UNC79: variants seen among roughly 807,000 people sequenced by gnomAD.
UNC79 encodes the protein unc-79 subunit of NALCN channel complex, also known as protein unc-79 homolog.
UNC79 carries 37 observed loss-of-function variants against 283.1 expected under a neutral mutation model. The ratio of observed to expected loss-of-function variants is 0.13; its 90% CI spans 0.10 to 0.17. UNC79 has a LOEUF of 0.17. Ranked by LOEUF, UNC79 falls within the 10% of genes least tolerant of loss-of-function variation. The pLI is 1.00. For synonymous variants in UNC79, 1,107 were observed against 1,200.2 expected (o/e 0.92, Z 1.61); for missense variants, 2,272 against 3,211.1 (o/e 0.71, Z 7.07).
rs541916723 is a variant in UNC79, at chr14:93,382,217, A to G, written c.-351+48694A>G. ...AACCCACATATCTCAGGAGGCTGCAAATTGCCTGAGATATTTCCACCCACC... is the reference window on the plus strand; with the variant it reads ...AACCCACATATCTCAGGAGGCTGCAGATTGCCTGAGATATTTCCACCCACC... On this transcript the variant is annotated intron_variant, in intron 1 of 49. Coordinates refer to the UNC79 transcript ENST00000256339. Among the ~76,000 whole-genome samples, 7 of 152,254 alleles carry G rather than the reference A, an allele frequency of 4.6e-5. No individual in the cohort carries two copies. The East Asian group carries it at 1.3e-3, about 29-fold the overall frequency.
Position 93,594,247 on chromosome 14 carries a change from G to A in UNC79, c.3190+410G>A, listed in dbSNP as rs534454600. On this transcript the variant is annotated intron_variant, in intron 23 of 48. Transcript: ENST00000555664. The stretch of plus-strand genomic sequence containing the variant: ...CCGAATCAGAATCTCAGTGGGAGGT[G>A]GGGGTGATGCCAGAAATTGAGGTTT... Among the ~76,000 whole-genome samples the A allele has an allele frequency of 3.3e-5, 5 of 152,112 alleles. No individual in the cohort carries two copies. In the South Asian group the frequency reaches 8.3e-4, roughly 25 times the overall value.
At chr14:93,361,121 G>C (rs1384521280) in intron 1 of UNC79, among the ~76,000 whole-genome samples, 2 of 145,376 alleles carry the variant, frequency 1.4e-5, no homozygotes, top group East Asian at 2.1e-4. Context: ...GTCTGAGTTA[G>C]GAGAATCACG....
At chr14:93,556,466 C>A in intron 14 of UNC79, among the ~76,000 whole-genome samples, 1 of 152,136 alleles carries the variant, frequency 6.6e-6, no homozygotes, top group Middle Eastern at 3.2e-3. Flanking sequence ...CAAAACAGAA[C>A]AGAGCCTCAG....
At position 93,376,867 on chromosome 14, in the gene UNC79, AAAAATATAT is replaced by A. The variant is rs542165298; in HGVS notation, c.-351+43364_-351+43372del. On this transcript the variant is annotated intron_variant, in intron 1 of 49. Coordinates refer to the UNC79 transcript ENST00000256339. ...CTTTTTGCTTAATTTAATTATATAT[AAAAATATAT>A]AAAATATATAAAATATATATTATAT... Among the ~76,000 whole-genome samples, 1,023 of 148,038 alleles carry A rather than the reference AAAAATATAT, an allele frequency of 6.9e-3. 6 individuals are homozygous for A. Among genetic ancestry groups the A allele is most frequent in the African/African-American group, 0.02 (822 of 40,844 alleles).
In UNC79 at chr14:93,467,644, TTTTTTTTTTTTTTTG is replaced by T; in HGVS notation, c.23-26_23-12del. ...TTCTTCTTCCTTTTTTTTTTTTTTTTTTTTTTTTTTTTTTGCTTTTATCTAGTTGCTTCCAAGATC... is the reference window on the plus strand; with the variant it reads ...TTCTTCTTCCTTTTTTTTTTTTTTTTCTTTTATCTAGTTGCTTCCAAGATC... On this transcript the variant is annotated splice_polypyrimidine_tract_variant and intron_variant, in intron 1 of 48. Coordinates refer to ENST00000555664, the Ensembl canonical transcript of UNC79. 3 of 1,070,466 alleles carry T rather than the reference TTTTTTTTTTTTTTTG, an allele frequency of 2.8e-6. No individual in the cohort carries two copies. The highest frequency in any genetic ancestry group is 3.4e-6 in the Non-Finnish European group (3 of 887,472). The allele number at this position is 1,070,466 out of a possible 1,614,324, so 66.3% of individuals were successfully genotyped here. A position where few individuals can be genotyped will look rare whatever the true frequency, so the allele number is the denominator to read the frequency against.
At chr14:93,548,118 A>T (rs12896783) in intron 14 of UNC79, among the ~76,000 whole-genome samples, 1 of 152,104 alleles carries the variant, frequency 6.6e-6, no homozygotes, top group African/African-American at 2.4e-5. Flanking sequence ...AAAAAATACC[A>T]TAGACTGGGT....
chr14:93,518,441 A>AT (rs796863750), intron 7 of UNC79, among the ~76,000 whole-genome samples: 31 of 148,302 alleles, frequency 2.1e-4, no homozygotes, highest in Admixed American at 8.7e-4. Context: ...TGAATTTTCA[A>AT]TTTTTTTTTT....
intron 2 of UNC79, among the ~76,000 whole-genome samples, chr14:93,471,257 C>T (rs1223100133): frequency 6.6e-6 from 1 of 152,144 alleles, no homozygotes; most frequent in Admixed American, 6.6e-5. Context: ...ATAGATTCAA[C>T]TCAAATGTCA....
chr14:93,472,171 A>G (rs1328530050), intron 2 of UNC79, among the ~76,000 whole-genome samples: 1 of 152,158 alleles, frequency 6.6e-6, no homozygotes, highest in Admixed American at 6.6e-5. Context: ...TTGGGAAATA[A>G]TATCTCTGAC....
rs571681716 is a variant in UNC79 at position 93,502,315 on chromosome 14, A to G, written c.898+5029A>G. Among the ~76,000 whole-genome samples, 375 of 152,286 alleles carry G rather than the reference A, an allele frequency of 2.5e-3. 1 individual carries two copies. Among genetic ancestry groups the G allele is most frequent in the Non-Finnish European group, 4.7e-3 (318 of 68,016 alleles). On this transcript the variant is annotated intron_variant, in intron 7 of 48. Coordinates refer to ENST00000555664, the Ensembl canonical transcript of UNC79. ...GTAGTCCCAGCTACTCTGGAGGCTG[A>G]GGCAGGAGAATGGTGTGAACCCAGG... is the stretch of plus-strand genomic sequence containing the variant.
chr14:93,619,650 A>G (rs2066982760), intron 29 of UNC79, among the ~76,000 whole-genome samples: 1 of 152,176 alleles, frequency 6.6e-6, no homozygotes, highest in African/African-American at 2.4e-5. Context: ...AAAGTTTAGT[A>G]TGGTTATTTC....
At chr14:93,519,794 A>T (rs1402859087) in intron 7 of UNC79, among the ~76,000 whole-genome samples, 1 of 151,830 alleles carries the variant, frequency 6.6e-6, no homozygotes, top group East Asian at 1.9e-4. Flanking sequence ...GTTTACATAT[A>T]ATGTAAGGCC....
intron 39 of UNC79, among the ~76,000 whole-genome samples, chr14:93,660,563 A>ATATATATATATATGTGTG (rs1203621990): frequency 1.2e-4 from 8 of 64,790 alleles, no homozygotes; most frequent in South Asian, 5.7e-4. Flanking sequence ...ATATATATAT[A>ATATATATATATATGTGTG]TGTGTGTGTG....
At chr14:93,512,997 A>C (rs1162652939) in intron 7 of UNC79, among the ~76,000 whole-genome samples, 2 of 152,074 alleles carry the variant, frequency 1.3e-5, no homozygotes, top group Non-Finnish European at 2.9e-5. Context: ...TTATTCTAAA[A>C]AGCATTGTAT....
rs78235594 is a variant in UNC79 at position 93,461,442 on chromosome 14, G to C, written c.23-6229G>C. ...AAGCTCCCAAGAAACGGTGAGGATA[G>C]AAGGGGCCGTAAAATATCAAACAGA... On this transcript the variant is annotated intron_variant, in intron 1 of 48. Transcript: ENST00000555664. Among the ~76,000 whole-genome samples the C allele has an allele frequency of 1.2e-4, 19 of 152,326 alleles. No homozygotes were observed. The East Asian group carries it at 2.5e-3, about 20-fold the overall frequency.
chr14:93,612,777 A>T lies in UNC79; in HGVS notation c.3755-20A>T. 6.2e-7 allele frequency: 1 copy of T among 1,604,880 alleles called. No homozygotes were observed. Among genetic ancestry groups the T allele is most frequent in the South Asian group, 1.1e-5 (1 of 90,732 alleles). ...ACTTGTGAGTGAGCCACCCACTGACAGCCTTTCTTCTACTGACAGGACAAC... is the reference window on the plus strand; with the variant it reads ...ACTTGTGAGTGAGCCACCCACTGACTGCCTTTCTTCTACTGACAGGACAAC... On this transcript the variant is annotated intron_variant, in intron 26 of 48. Coordinates refer to ENST00000555664, the Ensembl canonical transcript of UNC79.
intron 7 of UNC79, among the ~76,000 whole-genome samples, chr14:93,516,637 A>T (rs1567036816): frequency 6.6e-6 from 1 of 151,736 alleles, no homozygotes; most frequent in Non-Finnish European, 1.5e-5. Context: ...AGTAGAGATG[A>T]GGTTTCACCA....
At chr14:93,613,575 C>A (rs1194536077) in intron 27 of UNC79, among the ~76,000 whole-genome samples, 1 of 151,968 alleles carries the variant, frequency 6.6e-6, no homozygotes, top group African/African-American at 2.4e-5. Flanking sequence ...CCACCATGCC[C>A]AGCTAATTTT....
rs552785473 is a variant in UNC79, at chr14:93,352,037, C to A, written c.-351+18514C>A. On this transcript the variant is annotated intron_variant, in intron 1 of 49. Coordinates refer to the UNC79 transcript ENST00000256339. ...GCCAAGTTGACACAAAATTAACCAT[C>A]ACAATTGGATAAAATTATTTTTCGG... is the stretch of plus-strand genomic sequence containing the variant. Among the ~76,000 whole-genome samples the A allele has an allele frequency of 2.0e-5, 3 of 152,278 alleles. No individual in the cohort carries two copies. In the East Asian group the frequency reaches 5.8e-4, roughly 29 times the overall value.
Sources: gnomAD v4.1 joint callset for allele counts (sites outside exome capture counted in the v4.1 genomes callset) on GRCh38, gnomAD v4.1.1 for gene constraint, MANE v1.5 for transcripts, NCBI Gene and HGNC (gene_info 2026-07-23, HGNC 2026-07-21) for gene names.